The following B4GALT6 variants were observed in gnomAD, a reference collection of about 807,000 sequenced individuals.
B4GALT6 encodes UDP-Gal:beta-GlcNAc beta-1,4-galactosyltransferase 6.
Under a neutral mutation model 46.3 loss-of-function variants are expected in B4GALT6, and 14 were observed. The observed-to-expected ratio is 0.30, with a 90% confidence interval of 0.20 to 0.47. B4GALT6 has a LOEUF of 0.47. Among genes scored for constraint, B4GALT6 ranks in the 20% least tolerant of loss-of-function variants. B4GALT6 has a pLI of 0.99. For synonymous variants in B4GALT6, 168 were observed against 162.0 expected, an observed-to-expected ratio of 1.04 and a Z score of -0.28; for missense variants, 386 against 480.1, an observed-to-expected ratio of 0.80 and a Z score of 1.83.
At chr18:31,716,767 G>T in the B4GALT6 span, among the ~76,000 whole-genome samples, 3 of 152,122 alleles carry the variant, frequency 2.0e-5, no homozygotes, top group Admixed American at 2.0e-4. Context: ...ATTACATGGG[G>T]CATTAATGTG....
chr18:31,665,614 C>A (rs1324477734), intron 2 of B4GALT6, among the ~76,000 whole-genome samples: 1 of 152,146 alleles, frequency 6.6e-6, no homozygotes, highest in Non-Finnish European at 1.5e-5. Context: ...TGGTGATGGG[C>A]GCCTGTAATC....
chr18:31,724,483 G>T, the B4GALT6 span: 1 of 1,015,210 alleles, frequency 9.9e-7, no homozygotes. Flanking sequence ...ACCCGGGAGA[G>T]CTTTGATTAC....
chr18:31,667,201 C>G (rs909417583), intron 1 of B4GALT6, among the ~76,000 whole-genome samples: 1 of 152,186 alleles, frequency 6.6e-6, no homozygotes, highest in Non-Finnish European at 1.5e-5. Flanking sequence ...TAACTTTGTA[C>G]AGCTCCTTGG....
the B4GALT6 span, chr18:31,724,634 T>C: frequency 9.6e-7 from 1 of 1,043,544 alleles, no homozygotes; most frequent in East Asian, 8.6e-5. Flanking sequence ...TGCTGCACAC[T>C]GGGATCTGAA....
At chr18:31,680,876 T>C (rs2074472119) in intron 1 of B4GALT6, among the ~76,000 whole-genome samples, 1 of 152,216 alleles carries the variant, frequency 6.6e-6, no homozygotes, top group African/African-American at 2.4e-5. Context: ...AGTAGCTGGA[T>C]GGAGCTACTC....
intron 4 of B4GALT6, among the ~76,000 whole-genome samples, chr18:31,643,099 A>C (rs1006755158): frequency 6.6e-6 from 1 of 152,320 alleles, no homozygotes. Context: ...GTAAGCAGGC[A>C]GGGACGGGTA....
chr18:31,671,653 T>C (rs2074358923), intron 1 of B4GALT6, among the ~76,000 whole-genome samples: 1 of 152,248 alleles, frequency 6.6e-6, no homozygotes, highest in South Asian at 2.1e-4. Context: ...GTCCGATGGA[T>C]AGATTGCAAA....
chr18:31,716,695 C>T, the B4GALT6 span, among the ~76,000 whole-genome samples: 1 of 152,198 alleles, frequency 6.6e-6, no homozygotes, highest in Admixed American at 6.5e-5. Context: ...AACTCATCTC[C>T]ATAAGCTCTT....
chr18:31,709,863 C>T, the B4GALT6 span, among the ~76,000 whole-genome samples: 1 of 151,898 alleles, frequency 6.6e-6, no homozygotes, highest in Non-Finnish European at 1.5e-5. Flanking sequence ...GAAGCCAAGG[C>T]AGGCCGATCA....
In B4GALT6 at chr18:31,622,558, A is replaced by C. The variant is rs2073630415; in HGVS notation, c.*3056T>G. Reference sequence around the variant, plus strand: ...AGCAAAGGCCAAATAAAATGACAAAATCTGCTTTCACTTGTAGGAAGCCTC... The same window carrying C: ...AGCAAAGGCCAAATAAAATGACAAACTCTGCTTTCACTTGTAGGAAGCCTC... On this transcript the variant is annotated 3_prime_UTR_variant, in exon 9 of 9. Coordinates refer to ENST00000306851, the MANE Select transcript of B4GALT6 (RefSeq NM_004775.5). The C allele has an allele frequency of 6.6e-6, 1 of 152,010 alleles. No individual in the cohort carries two copies. Among genetic ancestry groups the C allele is most frequent in the Non-Finnish European group, 1.5e-5 (1 of 67,882 alleles). 9.4% of individuals were successfully genotyped at this position (152,010 alleles called of 1,614,324 possible).
At chr18:31,723,748 C>T in the B4GALT6 span, among the ~76,000 whole-genome samples, 2 of 152,126 alleles carry the variant, frequency 1.3e-5, no homozygotes, top group Non-Finnish European at 2.9e-5. Context: ...AATAAATGAC[C>T]GTAATGTGTG....
At chr18:31,724,609 G>A in the B4GALT6 span, 1 of 1,062,742 alleles carries the variant, frequency 9.4e-7, no homozygotes, top group Non-Finnish European at 1.1e-6. Context: ...CTGCCCCGGG[G>A]CCAGAGCAGT....
chr18:31,626,472 G>C (rs2073698963), intron 7 of B4GALT6, 88 bp from the exon 8 acceptor site: 4 of 695,796 alleles, frequency 5.7e-6, no homozygotes, highest in Admixed American at 5.6e-5. Flanking sequence ...ACAAAAGAAT[G>C]CTCTAATCCA....
At chr18:31,720,449 A>C in the B4GALT6 span, among the ~76,000 whole-genome samples, 2 of 152,226 alleles carry the variant, frequency 1.3e-5, no homozygotes, top group Non-Finnish European at 2.9e-5. Context: ...GACTTCAGCT[A>C]TGGGTGCCAT....
chr18:31,631,186 T>A, intron 5 of B4GALT6, 40 bp from the exon 6 acceptor site: 123 of 1,109,158 alleles, frequency 1.1e-4, no homozygotes, highest in Non-Finnish European at 1.4e-4. Flanking sequence ...AGAAATGTAC[T>A]CACACTTCAT....
chr18:31,710,814 CCA>C, the B4GALT6 span, among the ~76,000 whole-genome samples: 132 of 140,190 alleles, frequency 9.4e-4, no homozygotes, highest in Admixed American at 2.0e-3. Flanking sequence ...CCTGAATACA[CCA>C]CACACACACA....
intron 6 of B4GALT6, among the ~76,000 whole-genome samples, chr18:31,629,986 A>G (rs954243854): frequency 3.5e-4 from 52 of 150,648 alleles, no homozygotes; most frequent in Non-Finnish European, 3.0e-5. Flanking sequence ...CCAGCAAAAA[A>G]AAAGGAAGGA....
intron 4 of B4GALT6, among the ~76,000 whole-genome samples, chr18:31,640,816 C>T (rs2073920962): frequency 1.3e-5 from 2 of 152,234 alleles, no homozygotes; most frequent in African/African-American, 4.8e-5. Context: ...GCTTCAGCGC[C>T]AATGGCTGGC....
chr18:31,646,151 A>C (rs1411010162), intron 3 of B4GALT6, among the ~76,000 whole-genome samples: 2 of 152,252 alleles, frequency 1.3e-5, no homozygotes, highest in Non-Finnish European at 1.5e-5. Flanking sequence ...ACATAATTCA[A>C]AGTACTGATT....
Sources: allele counts gnomAD v4.1 joint callset (sites outside exome capture counted in the v4.1 genomes callset), GRCh38; gene constraint gnomAD v4.1.1; transcripts MANE v1.5; gene names NCBI Gene and HGNC (gene_info 2026-07-23, HGNC 2026-07-21).